Variants in CMTM8 observed in about 807,000 individuals in gnomAD.
The protein encoded by CMTM8 is CKLF like MARVEL transmembrane domain containing 8.
In CMTM8, 12 loss-of-function variants were observed where a neutral mutation model predicts 18.6. That is an observed-to-expected ratio of 0.65 (90% CI 0.41 to 1.05). The LOEUF (loss-of-function observed/expected upper bound fraction) is 1.05, where lower values mean the gene tolerates loss of function less well. Among genes scored for constraint, CMTM8 ranks in the 50% least tolerant of loss-of-function variants. The probability of loss-of-function intolerance (pLI) is 0.00; values close to 1 mark genes in which losing one functional copy is unlikely to be tolerated. For synonymous variants in CMTM8, 87 were observed against 90.6 expected (o/e 0.96, Z 0.23); for missense variants, 217 against 227.2 (o/e 0.95, Z 0.29).
At chr3:32,343,308 G>A (rs1273643402) in intron 1 of CMTM8, among the ~76,000 whole-genome samples, 1 of 152,176 alleles carries the variant, frequency 6.6e-6, no homozygotes, top group African/African-American at 2.4e-5. Context: ...ACCACTATGG[G>A]ATAAGTCTTG....
intron 1 of CMTM8, among the ~76,000 whole-genome samples, chr3:32,309,888 G>A (rs895042080): frequency 3.3e-5 from 5 of 152,184 alleles, no homozygotes; most frequent in South Asian, 2.1e-4. Context: ...CTGAACTTTC[G>A]ATGGGAATGT....
At chr3:32,239,221 G>A in intron 1 of CMTM8, 102 bp downstream of exon 1, 1 of 1,343,186 alleles carries the variant, frequency 7.4e-7, no homozygotes, top group Non-Finnish European at 1.0e-6. Context: ...CTTCCCGCGG[G>A]CTTTAGGGAA....
chr3:32,367,650 C>T (rs995649334), intron 2 of CMTM8, among the ~76,000 whole-genome samples: 2 of 152,128 alleles, frequency 1.3e-5, no homozygotes, highest in African/African-American at 4.8e-5. Flanking sequence ...CATGCAGTCT[C>T]AGTGTCTCGT....
chr3:32,291,239 C>A (rs1183237168), intron 1 of CMTM8, among the ~76,000 whole-genome samples: 1 of 152,018 alleles, frequency 6.6e-6, no homozygotes, highest in Non-Finnish European at 1.5e-5. Flanking sequence ...CGCCATTCTC[C>A]TGCCTCAGCC....
Position 32,367,942 on chromosome 3 carries a change from C to G in CMTM8, c.392C>G (p.Ser131Cys). The G allele has an allele frequency of 4.3e-6, 7 of 1,614,188 alleles. No individual in the cohort carries two copies. The highest frequency in any genetic ancestry group is 5.9e-6 in the Non-Finnish European group (7 of 1,180,008). ...GCTGTTGTAGATGCATCTTCCGTCT[C>G]CCCTGAGAGGGACAGTCACAACTTC... The part of the protein sequence containing the change: ...SAAVVDASSV[S>C]PERDSHNFNS... Residue 131 changes from serine to cysteine, a missense_variant, in exon 3 of 4, where the codon TCC (serine) becomes TGC (cysteine). Transcript: ENST00000307526.
At chr3:32,315,362 T>C (rs531385237) in intron 1 of CMTM8, among the ~76,000 whole-genome samples, 51 of 152,182 alleles carry the variant, frequency 3.4e-4, no homozygotes, top group Admixed American at 1.8e-3. Context: ...ACTCCTCACC[T>C]CAAGTGATCC....
At chr3:32,262,168 G>A (rs1483923745) in intron 1 of CMTM8, among the ~76,000 whole-genome samples, 2 of 152,122 alleles carry the variant, frequency 1.3e-5, no homozygotes, top group African/African-American at 4.8e-5. Flanking sequence ...GCTGCCCCCT[G>A]ACTTGCCTCT....
chr3:32,247,617 C>T (rs1411525225), intron 1 of CMTM8, among the ~76,000 whole-genome samples: 5 of 152,102 alleles, frequency 3.3e-5, no homozygotes, highest in East Asian at 1.9e-4. Flanking sequence ...TGCACCACCA[C>T]GCCCAGCTAA....
At chr3:32,323,259 A>G (rs1475989842) in intron 1 of CMTM8, among the ~76,000 whole-genome samples, 1 of 152,160 alleles carries the variant, frequency 6.6e-6, no homozygotes, top group African/African-American at 2.4e-5. Flanking sequence ...CTAGCCACGC[A>G]TCCGTCTAGC....
intron 1 of CMTM8, among the ~76,000 whole-genome samples, chr3:32,282,366 A>G (rs1159607147): frequency 6.6e-6 from 1 of 152,216 alleles, no homozygotes; most frequent in East Asian, 1.9e-4. Context: ...TATTGATCCA[A>G]GCAACCATAA....
intron 2 of CMTM8, among the ~76,000 whole-genome samples, chr3:32,363,790 TG>T (rs1169659833): frequency 6.6e-6 from 1 of 152,212 alleles, no homozygotes; most frequent in Admixed American, 6.5e-5. Context: ...TCAGTGTGTC[TG>T]GGGTAGGGCC....
chr3:32,244,027 A>G (rs73067537), intron 1 of CMTM8: 2,472 of 168,234 alleles, frequency 0.015, 43 homozygotes, highest in Non-Finnish European at 0.017. Flanking sequence ...ATGGTAGACC[A>G]ACTTTGAATT....
At chr3:32,254,612 G>A (rs1203612653) in intron 1 of CMTM8, among the ~76,000 whole-genome samples, 1 of 151,716 alleles carries the variant, frequency 6.6e-6, no homozygotes, top group Non-Finnish European at 1.5e-5. Flanking sequence ...TAAATATCCA[G>A]ATAATTAATC....
intron 1 of CMTM8, among the ~76,000 whole-genome samples, chr3:32,264,876 A>C (rs549138136): frequency 2.8e-4 from 43 of 152,380 alleles, no homozygotes; most frequent in African/African-American, 8.9e-4. Context: ...ATAATGGTAA[A>C]GGGATCAATT....
chr3:32,252,730 A>G (rs1702128741), intron 1 of CMTM8, among the ~76,000 whole-genome samples: 1 of 152,146 alleles, frequency 6.6e-6, no homozygotes, highest in South Asian at 2.1e-4. Flanking sequence ...AGTTATTCTC[A>G]TACTTTTTGA....
At chr3:32,248,214 C>T (rs541733016) in intron 1 of CMTM8, among the ~76,000 whole-genome samples, 2 of 152,244 alleles carry the variant, frequency 1.3e-5, no homozygotes, top group East Asian at 3.9e-4. Context: ...CAAACAAAAA[C>T]CTGGCAGCTG....
chr3:32,263,088 A>G (rs1224939076), intron 1 of CMTM8, among the ~76,000 whole-genome samples: 3 of 151,606 alleles, frequency 2.0e-5, no homozygotes, highest in Non-Finnish European at 4.4e-5. Context: ...TTTCCAACTG[A>G]GATTGGAAGA....
At chr3:32,357,636 C>T in intron 2 of CMTM8, 90 bp downstream of exon 2, 1 of 1,326,620 alleles carries the variant, frequency 7.5e-7, no homozygotes, top group South Asian at 1.4e-5. Flanking sequence ...TGTCTCTCTG[C>T]CCAGAAAAGG....
chr3:32,244,457 A>G (rs1400800276), intron 1 of CMTM8, among the ~76,000 whole-genome samples: 1 of 152,254 alleles, frequency 6.6e-6, no homozygotes, highest in Non-Finnish European at 1.5e-5. Context: ...AAACACTGGG[A>G]TTGCAGGCAT....
Sources: allele counts gnomAD v4.1 joint callset (sites outside exome capture counted in the v4.1 genomes callset), GRCh38; gene constraint gnomAD v4.1.1; transcripts MANE v1.5; gene names NCBI Gene and HGNC (gene_info 2026-07-23, HGNC 2026-07-21).